The following TLR6 variants were observed in gnomAD, a reference collection of about 807,000 sequenced individuals.
TLR6 encodes the protein toll like receptor 6, also known as toll-like receptor 6.
Under a neutral mutation model 16.1 loss-of-function variants are expected in TLR6, and 9 were observed. That is an observed-to-expected ratio of 0.56 (90% confidence interval 0.34 to 0.98). The LOEUF is 0.98. Among genes scored for constraint, TLR6 ranks in the 50% least tolerant of loss-of-function variants. The probability of loss-of-function intolerance (pLI) is 0.02; values close to 1 mark genes in which losing one functional copy is unlikely to be tolerated. For synonymous variants in TLR6, 340 were observed against 338.6 expected (o/e 1.00, Z -0.04); for missense variants, 786 against 921.0 (o/e 0.85, Z 1.90).
chr4:38,858,832 G>GAAGAAAGAAAGAAAGA (rs71190999), upstream of TLR6, among the ~76,000 whole-genome samples: 40 of 50,890 alleles, frequency 7.9e-4, no homozygotes, highest in East Asian at 2.5e-3. Context: ...AGAGAGAGAG[G>GAAGAAAGAAAGAAAGA]AAGAAAGAAA....
intron 1 of TLR6, among the ~76,000 whole-genome samples, chr4:38,829,969 T>C (rs183177761): frequency 2.2e-4 from 34 of 152,284 alleles, no homozygotes; most frequent in Admixed American, 7.2e-4. Flanking sequence ...TGCAAAGATA[T>C]ATGGAGAAAG....
chr4:38,827,833 T>C, exon 2 of TLR6: 1 of 1,614,284 alleles, frequency 6.2e-7, no homozygotes, highest in Non-Finnish European at 8.5e-7. Context: ...CTTCACTTGA[T>C]ACTTGGTCTA....
chr4:38,845,356 T>C (rs1328065240), intron 1 of TLR6, among the ~76,000 whole-genome samples: 2 of 152,204 alleles, frequency 1.3e-5, no homozygotes, highest in African/African-American at 4.8e-5. Flanking sequence ...TTGGTGAATA[T>C]GCTATGTTAC....
At chr4:38,863,669 T>C in the TLR6 span, among the ~76,000 whole-genome samples, 1 of 152,318 alleles carries the variant, frequency 6.6e-6, no homozygotes. Flanking sequence ...GCAAATTTTG[T>C]TGGATTTTTC....
chr4:38,848,058 A>G (rs889658856), intron 1 of TLR6, among the ~76,000 whole-genome samples: 5 of 152,208 alleles, frequency 3.3e-5, no homozygotes, highest in Admixed American at 3.3e-4. Flanking sequence ...GATACCTCAC[A>G]TGGCCAGGTA....
chr4:38,852,778 T>C (rs1158794353), intron 1 of TLR6, among the ~76,000 whole-genome samples: 1 of 152,060 alleles, frequency 6.6e-6, no homozygotes, highest in Non-Finnish European at 1.5e-5. Context: ...TTTACACTGT[T>C]GGTGGGACTG....
chr4:38,861,938 C>T, the TLR6 span, among the ~76,000 whole-genome samples: 1 of 152,182 alleles, frequency 6.6e-6, no homozygotes, highest in Non-Finnish European at 1.5e-5. Flanking sequence ...GCCAGACTTC[C>T]CTGAACTCCA....
chr4:38,828,038 T>C (rs113443537), exon 2 of TLR6: 4 of 1,614,204 alleles, frequency 2.5e-6, no homozygotes, highest in Non-Finnish European at 3.4e-6. Flanking sequence ...GAAAGCAACA[T>C]TGAGTTCTTG....
At chr4:38,864,452 G>A in the TLR6 span, among the ~76,000 whole-genome samples, 1 of 152,314 alleles carries the variant, frequency 6.6e-6, no homozygotes, top group East Asian at 1.9e-4. Context: ...TATATTCAAA[G>A]GTGGCAATTG....
At chr4:38,857,842 C>G (rs118102612), upstream of TLR6, among the ~76,000 whole-genome samples, 70 of 152,284 alleles carry the variant, frequency 4.6e-4, 3 homozygotes, top group East Asian at 0.013. Flanking sequence ...GTGGATGGAT[C>G]TCTGCTCCAC....
chr4:38,844,149 A>G (rs1210528270), intron 1 of TLR6, among the ~76,000 whole-genome samples: 1 of 152,224 alleles, frequency 6.6e-6, no homozygotes, highest in African/African-American at 2.4e-5. Context: ...GACATGGGGC[A>G]GGGAACCACT....
chr4:38,861,200 TACTC>T (rs769071804), upstream of TLR6, among the ~76,000 whole-genome samples: 2 of 151,976 alleles, frequency 1.3e-5, no homozygotes, highest in Non-Finnish European at 2.9e-5. Flanking sequence ...ATTCTAGCAG[TACTC>T]ACTATTTCAA....
the TLR6 span, among the ~76,000 whole-genome samples, chr4:38,864,111 G>A: frequency 6.6e-6 from 1 of 152,154 alleles, no homozygotes; most frequent in Non-Finnish European, 1.5e-5. Context: ...ACATTGCAAT[G>A]CCACTTTATC....
upstream of TLR6, among the ~76,000 whole-genome samples, chr4:38,860,276 A>G (rs1419498070): frequency 2.6e-5 from 4 of 152,146 alleles, no homozygotes; most frequent in African/African-American, 9.7e-5. Context: ...GTTCAAAACC[A>G]GCCTGGGCAA....
the TLR6 span, chr4:38,867,532 A>AAAGGT: frequency 6.6e-6 from 1 of 151,176 alleles, no homozygotes; most frequent in Admixed American, 6.6e-5. Flanking sequence ...TAAGGAAAGG[A>AAAGGT]AAGGGATCTG....
chr4:38,823,257 T>C (rs1325651699), downstream of TLR6, among the ~76,000 whole-genome samples: 1 of 152,246 alleles, frequency 6.6e-6, no homozygotes, highest in Non-Finnish European at 1.5e-5. Flanking sequence ...ATACCCTTGC[T>C]ATGTTTAGAT....
chr4:38,828,680 C>T (rs753572762), exon 2 of TLR6: 46 of 1,614,022 alleles, frequency 2.9e-5, no homozygotes, highest in Non-Finnish European at 3.6e-5. Context: ...TCTGACCAGG[C>T]ATTTCCAAGT....
downstream of TLR6, among the ~76,000 whole-genome samples, chr4:38,823,071 C>T (rs1050290790): frequency 4.6e-5 from 7 of 152,094 alleles, no homozygotes; most frequent in Non-Finnish European, 8.8e-5. Context: ...GAGACCCATT[C>T]GCTAACAGGA....
At chr4:38,829,038 A>G (rs753516145) in exon 2 of TLR6, 3 of 1,614,184 alleles carry the variant, frequency 1.9e-6, no homozygotes, top group Admixed American at 3.3e-5. Context: ...TTCAGTTGTG[A>G]TAAGTTGCCA....
Sources: gnomAD v4.1 joint callset for allele counts (sites outside exome capture counted in the v4.1 genomes callset) on GRCh38, gnomAD v4.1.1 for gene constraint, MANE v1.5 for transcripts, NCBI Gene and HGNC (gene_info 2026-07-23, HGNC 2026-07-21) for gene names.